ZBTB20: variants seen among roughly 807,000 people sequenced by gnomAD.
ZBTB20 encodes the protein zinc finger and BTB domain containing 20, also known as zinc finger and BTB domain-containing protein 20.
A neutral mutation model predicts 56.9 loss-of-function variants in ZBTB20; 9 were observed. The ratio of observed to expected loss-of-function variants is 0.16; its 90% CI spans 0.10 to 0.28. The LOEUF (loss-of-function observed/expected upper bound fraction) is 0.28. Ranked by LOEUF, ZBTB20 falls within the 10% of genes least tolerant of loss-of-function variation. ZBTB20 has a pLI of 1.00. For missense variants in ZBTB20, 655 were observed against 1,003.0 expected, an observed-to-expected ratio of 0.65 and a Z score of 4.69; for synonymous variants, 417 against 420.7, an observed-to-expected ratio of 0.99 and a Z score of 0.11.
intron 1 of ZBTB20, among the ~76,000 whole-genome samples, chr3:115,113,475 A>C (rs183995340): frequency 2.1e-3 from 322 of 152,330 alleles, no homozygotes; most frequent in Non-Finnish European, 3.6e-3. Flanking sequence ...TGCTTTTGGC[A>C]CTGAAAATCT....
intron 1 of ZBTB20, among the ~76,000 whole-genome samples, chr3:115,131,943 G>T (rs13087012): frequency 0.72 from 109,504 of 151,994 alleles, 40,067 homozygotes; most frequent in African/African-American, 0.86. Context: ...TTGTTTAGAT[G>T]AGCTGACTTT....
chr3:114,972,168 G>A (rs1361009273), intron 3 of ZBTB20, among the ~76,000 whole-genome samples: 2 of 152,086 alleles, frequency 1.3e-5, no homozygotes, highest in Non-Finnish European at 2.9e-5. Flanking sequence ...ACATTAGTTG[G>A]CAAAAATTTT....
chr3:114,516,591 T>A (rs987249443), intron 6 of ZBTB20, among the ~76,000 whole-genome samples: 1 of 152,144 alleles, frequency 6.6e-6, no homozygotes, highest in African/African-American at 2.4e-5. Flanking sequence ...CCCCAATTCT[T>A]TAGAATATGA....
At chr3:114,579,322 T>C (rs1163602848) in intron 6 of ZBTB20, among the ~76,000 whole-genome samples, 1 of 151,712 alleles carries the variant, frequency 6.6e-6, no homozygotes, top group Non-Finnish European at 1.5e-5. Flanking sequence ...AGTAAAAGCA[T>C]ACCCTTCTAA....
At chr3:114,740,063 A>G (rs1454046122) in intron 5 of ZBTB20, among the ~76,000 whole-genome samples, 1 of 152,222 alleles carries the variant, frequency 6.6e-6, no homozygotes, top group Non-Finnish European at 1.5e-5. Context: ...CCTGTGAGGT[A>G]CTGTTTCTGA....
At position 114,669,218 on chromosome 3, in the gene ZBTB20, G is replaced by A. The variant is rs2061227836; in HGVS notation, c.-295+24310C>T. ...GAACAGACATCTACCCTGCATCCCGGCAAAGAATTATCTACTCCAAAGTAT... is the reference window on the plus strand; with the variant it reads ...GAACAGACATCTACCCTGCATCCCGACAAAGAATTATCTACTCCAAAGTAT... On this transcript the variant is annotated intron_variant, in intron 6 of 11. Transcript: ENST00000675478. Among the ~76,000 whole-genome samples the A allele has an allele frequency of 3.3e-5, 5 of 151,970 alleles. No individual in the cohort carries two copies. The South Asian group carries it at 1.0e-3, about 32-fold the overall frequency.
At chr3:114,787,390 C>CAG (rs1560250071) in intron 5 of ZBTB20, among the ~76,000 whole-genome samples, 3 of 145,384 alleles carry the variant, frequency 2.1e-5, no homozygotes, top group Non-Finnish European at 3.0e-5. Context: ...CACACACACA[C>CAG]ACATATATAT....
chr3:115,138,355 T>C (rs899745390), intron 1 of ZBTB20, among the ~76,000 whole-genome samples: 3 of 152,068 alleles, frequency 2.0e-5, no homozygotes, highest in African/African-American at 7.2e-5. Flanking sequence ...AAATTCTCTA[T>C]CATCATTTTT....
intron 5 of ZBTB20, among the ~76,000 whole-genome samples, chr3:114,695,547 A>G (rs1042740614): frequency 2.0e-5 from 3 of 152,034 alleles, no homozygotes; most frequent in African/African-American, 4.8e-5. Context: ...TGCTTCTTTT[A>G]TAACGAGATA....
intron 3 of ZBTB20, among the ~76,000 whole-genome samples, chr3:114,938,397 T>C (rs1407902726): frequency 6.8e-6 from 1 of 146,342 alleles, no homozygotes; most frequent in Admixed American, 6.6e-5. Flanking sequence ...AGGGTTTTTA[T>C]GGTTTTAGGT....
intron 6 of ZBTB20, among the ~76,000 whole-genome samples, chr3:114,554,451 T>C (rs2050954980): frequency 6.6e-6 from 1 of 152,196 alleles, no homozygotes; most frequent in South Asian, 2.1e-4. Flanking sequence ...ATTTCAGAAT[T>C]GGTCTCTTTG....
At chr3:114,653,966 CTCAT>C (rs1458173141) in intron 6 of ZBTB20, among the ~76,000 whole-genome samples, 2 of 151,972 alleles carry the variant, frequency 1.3e-5, no homozygotes, top group East Asian at 3.9e-4. Context: ...ATGATAATCT[CTCAT>C]TACTGATATT....
At chr3:114,691,023 C>A (rs968612796) in intron 6 of ZBTB20, among the ~76,000 whole-genome samples, 1 of 151,944 alleles carries the variant, frequency 6.6e-6, no homozygotes, top group Admixed American at 6.6e-5. Context: ...AAAAAAAGTA[C>A]CAAAAGAAAA....
chr3:114,695,286 C>T (rs2108337595), intron 5 of ZBTB20, among the ~76,000 whole-genome samples: 1 of 151,968 alleles, frequency 6.6e-6, no homozygotes, highest in East Asian at 1.9e-4. Context: ...CTTAGGCCTG[C>T]CACCTGTCTT....
chr3:114,492,299 C>A (rs1301116315), intron 7 of ZBTB20, among the ~76,000 whole-genome samples: 1 of 152,164 alleles, frequency 6.6e-6, no homozygotes, highest in African/African-American at 2.4e-5. Context: ...TATATAAATA[C>A]CTGTGCAATA....
intron 6 of ZBTB20, among the ~76,000 whole-genome samples, chr3:114,507,978 A>T (rs910741485): frequency 2.0e-5 from 3 of 152,204 alleles, no homozygotes; most frequent in African/African-American, 7.2e-5. Context: ...AGGCTTTAAC[A>T]TAGCGATTAT....
chr3:114,382,763 G>A (rs2108549031), intron 8 of ZBTB20, among the ~76,000 whole-genome samples: 1 of 152,204 alleles, frequency 6.6e-6, no homozygotes, highest in South Asian at 2.1e-4. Flanking sequence ...TAAGCTCTCT[G>A]AAGGTAAGGA....
intron 1 of ZBTB20, among the ~76,000 whole-genome samples, chr3:115,131,604 A>G (rs2084507787): frequency 6.6e-6 from 1 of 152,210 alleles, no homozygotes; most frequent in African/African-American, 2.4e-5. Context: ...AAATATTGCT[A>G]CCTATATTTC....
intron 1 of ZBTB20, chr3:115,102,970 A>G (rs567636151): frequency 7.1e-6 from 1 of 140,538 alleles, no homozygotes; most frequent in Admixed American, 7.1e-5. Flanking sequence ...ATCTCAAATT[A>G]AAAAAAAAAA....
Sources: gnomAD v4.1 joint callset for allele counts (sites outside exome capture counted in the v4.1 genomes callset) on GRCh38, gnomAD v4.1.1 for gene constraint, MANE v1.5 for transcripts, NCBI Gene and HGNC (gene_info 2026-07-23, HGNC 2026-07-21) for gene names.